SNAP25: variants seen among roughly 807,000 people sequenced by gnomAD.
SNAP25 encodes synaptosome associated protein 25, also known as synaptosomal-associated protein 25.
In SNAP25, 3 loss-of-function variants were observed where a neutral mutation model predicts 28.7. The observed-to-expected ratio is 0.10, with a 90% confidence interval of 0.05 to 0.27. SNAP25 has a LOEUF of 0.27. SNAP25 is among the 10% of genes least tolerant of loss of function. SNAP25 has a pLI of 1.00. For missense variants in SNAP25, 117 were observed against 278.7 expected, an observed-to-expected ratio of 0.42 and a Z score of 4.13; for synonymous variants, 61 against 88.1, an observed-to-expected ratio of 0.69 and a Z score of 1.72.
rs867196809 is a variant in SNAP25, at chr20:10,235,406, A to G, written c.-64+16429A>G. On this transcript the variant is annotated intron_variant, in intron 1 of 7. Transcript: ENST00000254976. ...TTTAGTGGTAAGTCTAATAGCTACC[A>G]TAATTTCAAAGTGGTAATGAGAATA... Among the ~76,000 whole-genome samples, 3 of 152,240 alleles carry G rather than the reference A, an allele frequency of 2.0e-5. No individual in the cohort carries two copies. In the South Asian group the frequency reaches 6.2e-4, roughly 32 times the overall value.
At chr20:10,255,529 C>T (rs570058278) in intron 1 of SNAP25, among the ~76,000 whole-genome samples, 23 of 152,276 alleles carry the variant, frequency 1.5e-4, no homozygotes, top group African/African-American at 5.1e-4. Context: ...GTGGTCTATA[C>T]ACTACCTGGC....
chr20:10,235,677 A>G (rs1600655420), intron 1 of SNAP25, among the ~76,000 whole-genome samples: 2 of 152,186 alleles, frequency 1.3e-5, no homozygotes, highest in African/African-American at 2.4e-5. Context: ...GTATGTGTCT[A>G]TGGGCTAATG....
chr20:10,285,680 A>G (rs140060339), intron 4 of SNAP25, among the ~76,000 whole-genome samples: 25 of 152,318 alleles, frequency 1.6e-4, no homozygotes, highest in African/African-American at 6.0e-4. Context: ...ATAAATCTCA[A>G]GCTGTGGGGG....
intron 7 of SNAP25, among the ~76,000 whole-genome samples, chr20:10,302,536 G>A (rs994636516): frequency 3.9e-5 from 6 of 152,168 alleles, no homozygotes; most frequent in African/African-American, 1.2e-4. Context: ...TTCCCGGAGC[G>A]TTCAGAAGAT....
At chr20:10,264,484 TG>T (rs1412582616) in intron 1 of SNAP25, among the ~76,000 whole-genome samples, 1 of 152,190 alleles carries the variant, frequency 6.6e-6, no homozygotes, top group African/African-American at 2.4e-5. Context: ...CACTTGAGAT[TG>T]TTCTTCAGCC....
In SNAP25 at chr20:10,267,585, G is replaced by A. The variant is rs868053232; in HGVS notation, c.-63-7844G>A. 9.2e-5 allele frequency among the ~76,000 whole-genome samples: 14 copies of A among 152,090 alleles called. No individual in the cohort carries two copies. The Middle Eastern group carries it at 0.014, about 148-fold the overall frequency. On this transcript the variant is annotated intron_variant, in intron 1 of 7. Coordinates refer to ENST00000254976, the MANE Select transcript of SNAP25 (RefSeq NM_130811.4). ...GTTTGTTTTTTTGAGACAGAGTCTC[G>A]CTCTGTCACCAGGCTAGAGTGCAGT...
At chr20:10,266,353 A>G (rs1212187889) in intron 1 of SNAP25, among the ~76,000 whole-genome samples, 1 of 152,206 alleles carries the variant, frequency 6.6e-6, no homozygotes. Context: ...ATAGCACCAA[A>G]CCCATTTTTG....
intron 4 of SNAP25, among the ~76,000 whole-genome samples, chr20:10,289,043 A>G (rs748034545): frequency 1.2e-4 from 18 of 152,168 alleles, no homozygotes; most frequent in South Asian, 2.1e-4. Context: ...TCACAGCAGC[A>G]CGGGAGCCTC....
chr20:10,286,176 C>T (rs2284300), intron 4 of SNAP25, among the ~76,000 whole-genome samples: 15,587 of 151,784 alleles, frequency 0.1, 971 homozygotes, highest in East Asian at 0.18. Flanking sequence ...AATTGTGGTA[C>T]GGCCATAAAA....
At chr20:10,291,528 A>G (rs186689082) in intron 4 of SNAP25, among the ~76,000 whole-genome samples, 6 of 152,350 alleles carry the variant, frequency 3.9e-5, no homozygotes, top group Non-Finnish European at 7.3e-5. Flanking sequence ...CATAAGAGAA[A>G]TAGCAGATTC....
intron 1 of SNAP25, among the ~76,000 whole-genome samples, chr20:10,224,255 G>GTGTT (rs1438577018): frequency 4.2e-5 from 1 of 24,032 alleles, no homozygotes; most frequent in Non-Finnish European, 7.0e-5. Context: ...GAATGTACAT[G>GTGTT]TCTTTTTTTT....
At chr20:10,269,576 T>G (rs1033495597) in intron 1 of SNAP25, among the ~76,000 whole-genome samples, 5 of 152,204 alleles carry the variant, frequency 3.3e-5, no homozygotes, top group Non-Finnish European at 7.3e-5. Flanking sequence ...AATTTCAGAA[T>G]TTTTGCTTAA....
At chr20:10,299,853 A>G (rs2064193294) in intron 7 of SNAP25, among the ~76,000 whole-genome samples, 1 of 152,226 alleles carries the variant, frequency 6.6e-6, no homozygotes, top group Admixed American at 6.5e-5. Flanking sequence ...GGAAAATCTC[A>G]GAATAAGTTG....
chr20:10,287,486 G>A (rs1227124115), intron 4 of SNAP25, among the ~76,000 whole-genome samples: 18 of 149,004 alleles, frequency 1.2e-4, no homozygotes, highest in Admixed American at 6.7e-5. Context: ...TTAGAATGGC[G>A]ATCATTAAAA....
intron 1 of SNAP25, among the ~76,000 whole-genome samples, chr20:10,236,616 C>T (rs1270087568): frequency 1.3e-5 from 2 of 152,068 alleles, no homozygotes; most frequent in South Asian, 2.1e-4. Context: ...GCCCAATGAG[C>T]ACTTTGGTAA....
chr20:10,297,222 A>T (rs2064133175), intron 6 of SNAP25, among the ~76,000 whole-genome samples, 172 bp downstream of exon 6: 1 of 152,108 alleles, frequency 6.6e-6, no homozygotes, highest in Non-Finnish European at 1.5e-5. Context: ...GTGATCCAAG[A>T]TGGCCCCATT....
At chr20:10,287,968 A>G (rs529882467) in intron 4 of SNAP25, among the ~76,000 whole-genome samples, 129 of 150,988 alleles carry the variant, frequency 8.5e-4, no homozygotes, top group African/African-American at 3.0e-3. Context: ...ATGAGAACAC[A>G]TGGACACAGG....
At chr20:10,243,969 A>T (rs1208031909) in intron 1 of SNAP25, among the ~76,000 whole-genome samples, 1 of 152,092 alleles carries the variant, frequency 6.6e-6, no homozygotes, top group African/African-American at 2.4e-5. Flanking sequence ...TTCTCAAATG[A>T]TCTAGGACTT....
At chr20:10,277,822 C>T in intron 3 of SNAP25, 96 bp downstream of exon 3, 3 of 1,159,926 alleles carry the variant, frequency 2.6e-6, no homozygotes, top group Non-Finnish European at 3.8e-6. Flanking sequence ...CCATGATCCC[C>T]TAGATTCCAG....
Sources: allele counts gnomAD v4.1 joint callset (sites outside exome capture counted in the v4.1 genomes callset), GRCh38; gene constraint gnomAD v4.1.1; transcripts MANE v1.5; gene names NCBI Gene and HGNC (gene_info 2026-07-23, HGNC 2026-07-21).